UBXN11: variants seen among roughly 807,000 people sequenced by gnomAD.
UBXN11 encodes UBX domain-containing protein 11.
UBXN11 carries 47 observed loss-of-function variants against 62.8 expected under a neutral mutation model. The ratio of observed to expected loss-of-function variants is 0.75; its 90% confidence interval spans 0.59 to 0.95. The LOEUF is 0.95. Ranked by LOEUF, UBXN11 falls within the 40% of genes least tolerant of loss-of-function variation. The pLI, the probability that UBXN11 is intolerant of heterozygous loss-of-function variation, is 0.00. For missense variants in UBXN11, 638 were observed against 661.7 expected (o/e 0.96, Z 0.39); for synonymous variants, 294 against 267.0 (o/e 1.10, Z -0.99).
In UBXN11 at chr1:26,297,972, A is replaced by G. The variant is rs1487136379; in HGVS notation, c.290T>C (p.Ile97Thr). The G allele has an allele frequency of 6.2e-6, 10 of 1,613,770 alleles. No individual in the cohort carries two copies. The highest frequency in any genetic ancestry group is 7.6e-6 in the Non-Finnish European group (9 of 1,179,878). Residue 97 changes from isoleucine (I) to threonine (T), a missense_variant, in exon 5 of 15, where the codon ATA becomes ACA. Transcript: ENST00000374222. ...CACCTGGAGCCCCACCTTGGACAGT[A>G]TCTCATCAGTCTGGGCCTTCACCTG... ...EQQVKAQTDEILSKDQKIAAL... is the reference protein window; with the variant it reads ...EQQVKAQTDETLSKDQKIAAL...
chr1:26,283,815 G>C (rs1227719127), intron 12 of UBXN11, among the ~76,000 whole-genome samples: 1 of 152,218 alleles, frequency 6.6e-6, no homozygotes, highest in African/African-American at 2.4e-5. Context: ...GAGGGCCAAG[G>C]AGAGTCTGAG....
At chr1:26,283,972 G>A (rs1036290420) in intron 12 of UBXN11, among the ~76,000 whole-genome samples, 170 bp downstream of exon 12, 6 of 152,186 alleles carry the variant, frequency 3.9e-5, no homozygotes, top group Non-Finnish European at 8.8e-5. Flanking sequence ...GGCCCAGCCC[G>A]TGCCCTCACC....
At chr1:26,314,918 C>T (rs904452572) in intron 1 of UBXN11, among the ~76,000 whole-genome samples, 24 of 152,024 alleles carry the variant, frequency 1.6e-4, no homozygotes, top group African/African-American at 5.6e-4. Context: ...CTCCACCCTC[C>T]ACCACCCCAA....
At chr1:26,299,213 A>G (rs918651258) in intron 4 of UBXN11, among the ~76,000 whole-genome samples, 2 of 152,118 alleles carry the variant, frequency 1.3e-5, no homozygotes, top group African/African-American at 4.8e-5. Flanking sequence ...GAGGAACATC[A>G]CATTGAAAAG....
At chr1:26,290,409 G>A (rs374238673) in intron 8 of UBXN11, among the ~76,000 whole-genome samples, 2 of 152,182 alleles carry the variant, frequency 1.3e-5, no homozygotes, top group African/African-American at 4.8e-5. Flanking sequence ...CTTCCCTCAA[G>A]CAGAGCCCTC....
upstream of UBXN11, among the ~76,000 whole-genome samples, chr1:26,307,768 G>A (rs1046729176): frequency 4.6e-5 from 7 of 151,976 alleles, no homozygotes; most frequent in African/African-American, 9.7e-5. Flanking sequence ...TGGGACTACA[G>A]GTGTGCACAA....
chr1:26,311,986 ACAG>A (rs1289850747), intron 1 of UBXN11, among the ~76,000 whole-genome samples: 1 of 152,134 alleles, frequency 6.6e-6, no homozygotes, highest in Non-Finnish European at 1.5e-5. Context: ...CTCATCATCT[ACAG>A]CTTAGCCTGA....
At chr1:26,314,324 G>A (rs958459749) in intron 1 of UBXN11, among the ~76,000 whole-genome samples, 5 of 152,094 alleles carry the variant, frequency 3.3e-5, no homozygotes, top group South Asian at 4.1e-4. Context: ...AAGCCTAGGT[G>A]GGGGGAGTTT....
At position 26,282,293 on chromosome 1, in the gene UBXN11, G is replaced by T. The variant is rs1224962493; in HGVS notation, c.*6C>A. The T allele has an allele frequency of 2.7e-5, 41 of 1,493,482 alleles. No homozygotes were observed. The highest frequency in any genetic ancestry group is 3.6e-5 in the Non-Finnish European group (41 of 1,124,348). The allele number at this position is 1,493,482 out of a possible 1,614,324, so 92.5% of individuals were successfully genotyped here. ...GGCGGAGCAGCGGGTTGAGGGGGCG[G>T]GTGCTTTATTGGGGGCTGGGACTGG... On this transcript the variant is annotated 3_prime_UTR_variant, in exon 15 of 15. Coordinates refer to ENST00000374222, the MANE Select transcript of UBXN11 (RefSeq NM_001389556.1).
At position 26,284,377 on chromosome 1, in the gene UBXN11, C is replaced by T. The variant is rs1181463931; in HGVS notation, c.958G>A (p.Val320Met). The T allele has an allele frequency of 6.2e-7, 1 of 1,614,098 alleles. No individual in the cohort carries two copies. Among genetic ancestry groups the T allele is most frequent in the South Asian group, 1.1e-5 (1 of 91,076 alleles). ...RQLMHKALDR[V>M]EEHPGSRMTA... ...CCAAACTCACCTGGGTGCTCCTCCA[C>T]CCTGTCCAAGGCCTTGTGCATCAGC... The change falls in exon 11 of 15, where the codon GTG (valine) becomes ATG (methionine). Residue 320 changes from valine to methionine, a missense_variant. Physicochemically the swap from Val to Met is conservative, Grantham distance 21 (BLOSUM62 1). Coordinates refer to ENST00000374222, the MANE Select transcript of UBXN11 (RefSeq NM_001389556.1).
upstream of UBXN11, chr1:26,306,718 A>T (rs904074606): frequency 6.6e-6 from 1 of 150,982 alleles, no homozygotes; most frequent in Non-Finnish European, 1.5e-5. Context: ...CAGACAGCGA[A>T]GGTGGATACA....
chr1:26,306,828 G>GGGC (rs201507060), upstream of UBXN11: 2 of 71,360 alleles, frequency 2.8e-5, no homozygotes, highest in Non-Finnish European at 3.0e-5. Flanking sequence ...CCGGGGCGGG[G>GGGC]TGGGGGGGGG....
intron 9 of UBXN11, 125 bp downstream of exon 9, chr1:26,285,698 T>A: frequency 7.2e-7 from 1 of 1,392,518 alleles, no homozygotes; most frequent in South Asian, 1.4e-5. Flanking sequence ...CCTCTGCAAG[T>A]CGTGTGTGGG....
chr1:26,285,680 G>A lies in UBXN11; in HGVS notation c.775-139C>T, dbSNP rs377072861. On this transcript the variant is annotated intron_variant, in intron 9 of 14. Transcript: ENST00000374222. ...AAACATTCAGAGTCCCAGGCCTTGG[G>A]AGAGGGGCCTCTGCAAGTCGTGTGT... is the stretch of plus-strand genomic sequence containing the variant. The A allele has an allele frequency of 5.3e-5, 72 of 1,368,652 alleles. No homozygotes were observed. In the African/African-American group the frequency reaches 7.7e-4, roughly 15 times the overall value. 84.8% of individuals were successfully genotyped at this position (1,368,652 alleles called of 1,614,324 possible). A position where few individuals can be genotyped will look rare whatever the true frequency, so the allele number is the denominator to read the frequency against.
intron 5 of UBXN11, among the ~76,000 whole-genome samples, chr1:26,297,725 G>A (rs776739419): frequency 9.2e-5 from 14 of 152,214 alleles, no homozygotes; most frequent in East Asian, 3.8e-4. Context: ...GCAGTCCACT[G>A]TGCCACCCAG....
chr1:26,316,833 A>G (rs552203821), intron 1 of UBXN11, among the ~76,000 whole-genome samples: 7 of 148,940 alleles, frequency 4.7e-5, no homozygotes, highest in African/African-American at 1.7e-4. Context: ...CTTCCACTGT[A>G]GCTTAGTCAC....
At chr1:26,313,290 G>A (rs2073761571) in intron 1 of UBXN11, among the ~76,000 whole-genome samples, 1 of 152,154 alleles carries the variant, frequency 6.6e-6, no homozygotes, top group South Asian at 2.1e-4. Context: ...AGACACTGTG[G>A]AACTGGGATG....
At chr1:26,297,900 C>A in intron 5 of UBXN11, 62 bp downstream of exon 5, 1 of 1,562,562 alleles carries the variant, frequency 6.4e-7, no homozygotes, top group South Asian at 1.2e-5. Context: ...CTCCTGGCCT[C>A]CCCAGCCCAG....
intron 8 of UBXN11, among the ~76,000 whole-genome samples, chr1:26,291,126 G>C (rs1246625199): frequency 6.6e-6 from 1 of 152,106 alleles, no homozygotes; most frequent in Non-Finnish European, 1.5e-5. Context: ...AGACGGCCCT[G>C]GCTCACCCTC....
Sources: gnomAD v4.1 joint callset for allele counts (sites outside exome capture counted in the v4.1 genomes callset) on GRCh38, gnomAD v4.1.1 for gene constraint, MANE v1.5 for transcripts, NCBI Gene and HGNC (gene_info 2026-07-23, HGNC 2026-07-21) for gene names.